The following IHH variants were observed in gnomAD, a reference collection of about 807,000 sequenced individuals.
The protein encoded by IHH is indian hedgehog protein.
A neutral mutation model predicts 29.4 loss-of-function variants in IHH; 9 were observed. That is an observed-to-expected ratio of 0.31 (90% CI 0.18 to 0.53). The LOEUF (loss-of-function observed/expected upper bound fraction) is 0.53, where lower values mean the gene tolerates loss of function less well. Ranked by LOEUF, IHH falls within the 20% of genes least tolerant of loss-of-function variation. The pLI, the probability that IHH is intolerant of heterozygous loss-of-function variation, is 0.95. For missense variants in IHH, 454 were observed against 578.1 expected (o/e 0.79, Z 2.20); for synonymous variants, 254 against 252.7 (o/e 1.01, Z -0.05).
rs906513398 is a variant in IHH at position 219,059,446 on chromosome 2, C to T, written c.315+707G>A. The stretch of plus-strand genomic sequence containing the variant: ...GGCATCTCAGCCCCTCTTTTCCACT[C>T]CTTCCCGTCCCCACCACCAAGCCCA... On this transcript the variant is annotated intron_variant, in intron 1 of 2. Transcript: ENST00000295731. This position sits in a 1 kb window ranked among gnomAD's most constrained non-coding sequence, Gnocchi z 4.7. Among the ~76,000 whole-genome samples, 2 of 152,198 alleles carry T rather than the reference C, an allele frequency of 1.3e-5. No individual in the cohort carries two copies. The highest frequency in any genetic ancestry group is 2.9e-5 in the Non-Finnish European group (2 of 68,036).
Position 219,059,854 on chromosome 2 carries a change from G to A in IHH, c.315+299C>T, listed in dbSNP as rs1258456465. On this transcript the variant is annotated intron_variant, in intron 1 of 2. Coordinates refer to ENST00000295731, the MANE Select transcript of IHH (RefSeq NM_002181.4). The surrounding 1 kb of genome is among the most constrained non-coding windows in gnomAD (Gnocchi z 4.7). The stretch of plus-strand genomic sequence containing the variant: ...GGCAGCCGGGTAGAGGTACCTCCGG[G>A]TGCAGCGTCTGGCTGAGCTGCCAGT... Among the ~76,000 whole-genome samples the A allele has an allele frequency of 6.6e-6, 1 of 152,216 alleles. No individual in the cohort carries two copies. The highest frequency in any genetic ancestry group is 2.4e-5 in the African/African-American group (1 of 41,452).
Position 219,057,415 on chromosome 2 carries a change from C to A in IHH, c.577+18G>T. ...CTGCGGCCCCGGCCCCGGGCCCAGCCCCCCGGCGGCGGCTCACCGGACTTG... is the reference window on the plus strand; with the variant it reads ...CTGCGGCCCCGGCCCCGGGCCCAGCACCCCGGCGGCGGCTCACCGGACTTG... On this transcript the variant is annotated intron_variant, in intron 2 of 2. Transcript: ENST00000295731. 1 of 1,555,330 alleles carries A rather than the reference C, an allele frequency of 6.4e-7. No individual in the cohort carries two copies. The highest frequency in any genetic ancestry group is 8.7e-7 in the Non-Finnish European group (1 of 1,149,724).
chr2:219,055,499 G>T lies in IHH; in HGVS notation c.944C>A (p.Ala315Asp). 1.2e-6 allele frequency: 2 copies of T among 1,609,286 alleles called. No homozygotes were observed. Among genetic ancestry groups the T allele is most frequent in the Non-Finnish European group, 1.7e-6 (2 of 1,177,294 alleles). Reference protein sequence around the residue: ...LVAGVPGLQPARVAAVSTHVA... With the variant: ...LVAGVPGLQPDRVAAVSTHVA... ...GTGTGTAGAGACAGCTGCCACGCGGGCAGGCTGCAGGCCTGGCACCCCAGC... is the reference window on the plus strand; with the variant it reads ...GTGTGTAGAGACAGCTGCCACGCGGTCAGGCTGCAGGCCTGGCACCCCAGC... The change falls in exon 3 of 3, where the codon GCC becomes GAC. Residue 315 changes from alanine (A) to aspartate (D), a missense_variant. Transcript: ENST00000295731.
chr2:219,056,629 T>G (rs1348640061), intron 2 of IHH, among the ~76,000 whole-genome samples: 1 of 152,028 alleles, frequency 6.6e-6, no homozygotes, highest in Non-Finnish European at 1.5e-5. Flanking sequence ...GTCAGGAATA[T>G]CAAAATGTGG....
At chr2:219,058,533 A>T (rs1948851556) in intron 1 of IHH, among the ~76,000 whole-genome samples, 1 of 152,000 alleles carries the variant, frequency 6.6e-6, no homozygotes. Context: ...TCCATAAACC[A>T]AGCTTCTGAT....
In IHH at chr2:219,055,512, C is replaced by T; in HGVS notation, c.931G>A (p.Gly311Ser). 1 of 1,610,660 alleles carries T rather than the reference C, an allele frequency of 6.2e-7. No homozygotes were observed. ...GCTGCCACGCGGGCAGGCTGCAGGC[C>T]TGGCACCCCAGCCACCAGCACGTAC... is the stretch of plus-strand genomic sequence containing the variant. The part of the protein sequence containing the change: ...GQYVLVAGVP[G>S]LQPARVAAVS... The change falls in exon 3 of 3, where the codon GGC becomes AGC. Residue 311 changes from glycine to serine, a missense_variant. Transcript: ENST00000295731.
rs1948874841 is a variant in IHH at position 219,060,757 on chromosome 2, C to CGGCGGCGGGGGGCGGCG, written c.-307_-291dup. ...CGGCCCGTTTGTTTTGGCAACGCGG[C>CGGCGGCGGGGGGCGGCG]GGCGGCGGGGGGCGGCGGGCGGCGG... On this transcript the variant is annotated 5_prime_UTR_variant, in exon 1 of 3. Coordinates refer to ENST00000295731, the MANE Select transcript of IHH (RefSeq NM_002181.4). This position sits in a 1 kb window ranked among gnomAD's most constrained non-coding sequence, Gnocchi z 8.8. Among the ~76,000 whole-genome samples, 1 of 146,078 alleles carries CGGCGGCGGGGGGCGGCG rather than the reference C, an allele frequency of 6.8e-6. No homozygotes were observed. Among genetic ancestry groups the CGGCGGCGGGGGGCGGCG allele is most frequent in the African/African-American group, 2.5e-5 (1 of 40,190 alleles).
Position 219,055,332 on chromosome 2 carries a change from C to A in IHH, c.1111G>T (p.Ala371Ser). The change falls in exon 3 of 3, where the codon GCA (alanine) becomes TCA (serine). Residue 371 changes from alanine to serine, a missense_variant. Around this residue, in one of 3 missense-constraint regions of IHH, gnomAD observed 271 missense variants for 315.9 expected, o/e 0.86. Transcript: ENST00000295731. ...TCCCCCGGAGTCCAGCTGCCCCATG[C>A]CAAGCTGTGAAAGAGTCTCAGGGGC... is the stretch of plus-strand genomic sequence containing the variant. The part of the protein sequence containing the change: ...FWPLRLFHSL[A>S]WGSWTPGEGV... The A allele has an allele frequency of 6.2e-7, 1 of 1,613,276 alleles. No homozygotes were observed. The highest frequency in any genetic ancestry group is 8.5e-7 in the Non-Finnish European group (1 of 1,180,034).
chr2:219,057,935 T>A lies in IHH; in HGVS notation c.316-241A>T, dbSNP rs991396175. Among the ~76,000 whole-genome samples the A allele has an allele frequency of 6.6e-5, 10 of 152,342 alleles. 1 individual carries two copies. The East Asian group carries it at 9.7e-4, about 15-fold the overall frequency. On this transcript the variant is annotated intron_variant, in intron 1 of 2. Coordinates refer to ENST00000295731, the MANE Select transcript of IHH (RefSeq NM_002181.4). ...CGGTATCACAAATCTGGAGGAGGCA[T>A]GGAGGCAAGCGCCCTGGCGGCGCCT...
At position 219,055,331 on chromosome 2, in the gene IHH, G is replaced by A. The variant is rs1429802102; in HGVS notation, c.1112C>T (p.Ala371Val). The change falls in exon 3 of 3, where the codon GCA (alanine) becomes GTA (valine). Residue 371 changes from alanine (A) to valine (V), a missense_variant. Around this residue, in one of 3 missense-constraint regions of IHH, gnomAD observed 271 missense variants for 315.9 expected, o/e 0.86. Transcript: ENST00000295731. ...CTCCCCCGGAGTCCAGCTGCCCCATGCCAAGCTGTGAAAGAGTCTCAGGGG... is the reference window on the plus strand; with the variant it reads ...CTCCCCCGGAGTCCAGCTGCCCCATACCAAGCTGTGAAAGAGTCTCAGGGG... Reference protein sequence around the residue: ...FWPLRLFHSLAWGSWTPGEGV... With the variant: ...FWPLRLFHSLVWGSWTPGEGV... The A allele has an allele frequency of 6.2e-7, 1 of 1,613,274 alleles. No homozygotes were observed.
rs121917857 is a variant in IHH, at chr2:219,057,441, A to G, written c.569T>C (p.Val190Ala). Residue 190 changes from valine (V) to alanine (A), a missense_variant, in exon 2 of 3, where the codon GTC (valine) becomes GCC (alanine). Physicochemically the swap from Val to Ala is moderately conservative, Grantham distance 64 (BLOSUM62 0). This residue lies in a region of IHH where 271 missense variants were observed against 315.9 expected (regional missense o/e 0.86). Coordinates refer to ENST00000295731, the MANE Select transcript of IHH (RefSeq NM_002181.4). ...YESKAHVHCS[V>A]KSEHSAAAKT... ...CCCCGGCGGCGGCTCACCGGACTTG[A>G]CGGAGCAATGCACGTGGGCCTTTGA... 6.4e-7 allele frequency: 1 copy of G among 1,573,774 alleles called. No homozygotes were observed. The highest frequency in any genetic ancestry group is 8.6e-7 in the Non-Finnish European group (1 of 1,160,258).
At chr2:219,056,815 A>C (rs1948836616) in intron 2 of IHH, among the ~76,000 whole-genome samples, 2 of 152,276 alleles carry the variant, frequency 1.3e-5, no homozygotes, top group South Asian at 4.1e-4. Flanking sequence ...GGGAGGGGTG[A>C]GGCCCCAGTG....
In IHH at chr2:219,059,343, C is replaced by A; in HGVS notation, c.315+810G>T. Reference sequence around the variant, plus strand: ...GACCTGGCTGCTGGGAAGGAATTTGCGCCTCTAAGCTTGGGTGGAGCGCGG... The same window carrying A: ...GACCTGGCTGCTGGGAAGGAATTTGAGCCTCTAAGCTTGGGTGGAGCGCGG... On this transcript the variant is annotated intron_variant, in intron 1 of 2. Coordinates refer to ENST00000295731, the MANE Select transcript of IHH (RefSeq NM_002181.4). This position sits in a 1 kb window ranked among gnomAD's most constrained non-coding sequence, Gnocchi z 4.7. Among the ~76,000 whole-genome samples the A allele has an allele frequency of 1.3e-5, 2 of 152,200 alleles. No homozygotes were observed. Among genetic ancestry groups the A allele is most frequent in the Non-Finnish European group, 2.9e-5 (2 of 68,034 alleles).
Position 219,055,883 on chromosome 2 carries a change from A to G in IHH, c.578-18T>C. ...CGAGTGCTCTGTGGGAGAAAGGGAC[A>G]TGAAGGTGTTACTGCTGTGCAGCTC... On this transcript the variant is annotated intron_variant, in intron 2 of 2. Coordinates refer to ENST00000295731, the MANE Select transcript of IHH (RefSeq NM_002181.4). 2 of 1,598,910 alleles carry G rather than the reference A, an allele frequency of 1.3e-6. No homozygotes were observed. The highest frequency in any genetic ancestry group is 1.7e-6 in the Non-Finnish European group (2 of 1,178,426).
In IHH at chr2:219,057,566, GC is replaced by G. The variant is rs1948842206; in HGVS notation, c.443del (p.Gly148AlafsTer76). On this transcript the variant is annotated frameshift_variant, in exon 2 of 3. Transcript: ENST00000295731. LOFTEE classifies it high-confidence loss of function. Reference sequence around the variant, plus strand: ...CTGATGTGGTGATGTCCACCGCGCGGCCCTCATAATGCAGGGACTCCTCTGA... The same window carrying G: ...CTGATGTGGTGATGTCCACCGCGCGGCCTCATAATGCAGGGACTCCTCTGA... ...HHSEESLHYE[G>X]RAVDITTSDR... 1 of 1,613,964 alleles carries G rather than the reference GC, an allele frequency of 6.2e-7. No individual in the cohort carries two copies. Among genetic ancestry groups the G allele is most frequent in the African/African-American group, 1.3e-5 (1 of 74,930 alleles).
Position 219,060,225 on chromosome 2 carries a change from G to A in IHH, c.243C>T (p.Leu81=). The A allele has an allele frequency of 6.2e-7, 1 of 1,613,630 alleles. No individual in the cohort carries two copies. Among genetic ancestry groups the A allele is most frequent in the Admixed American group, 1.7e-5 (1 of 60,028 alleles). The change falls in exon 1 of 3, where the codon CTC becomes CTT. Residue 81 remains leucine, a synonymous_variant. Transcript: ENST00000295731. The surrounding 1 kb of genome is among the most constrained non-coding windows in gnomAD (Gnocchi z 8.8). The stretch of plus-strand genomic sequence containing the variant: ...TGATGTCTGGATTGTAATTGGGGGT[G>A]AGCTCCTTGAAGCGCTCGGAGCTGC... ...IARSSERFKE[L]TPNYNPDIIF... is the part of the protein sequence containing the mutation.
At chr2:219,057,388 C>T (rs756272052) in intron 2 of IHH, 45 bp downstream of exon 2, 1 of 1,548,982 alleles carries the variant, frequency 6.5e-7, no homozygotes, top group Non-Finnish European at 8.7e-7. Flanking sequence ...CCTGCCCATG[C>T]CCTGCGGCCC....
In IHH at chr2:219,055,046, T is replaced by C. The variant is rs1574685592; in HGVS notation, c.*161A>G. On this transcript the variant is annotated 3_prime_UTR_variant, in exon 3 of 3. Coordinates refer to ENST00000295731, the MANE Select transcript of IHH (RefSeq NM_002181.4). The stretch of plus-strand genomic sequence containing the variant: ...ACACCACGACGGGGGTGGGGGACGC[T>C]GGTGTTGCCCAGTCAAGTCTCAATG... 4.0e-6 allele frequency: 3 copies of C among 745,190 alleles called. No homozygotes were observed. In the East Asian group the frequency reaches 8.1e-5, roughly 20 times the overall value. 46.2% of individuals were successfully genotyped at this position (745,190 alleles called of 1,614,324 possible).
chr2:219,057,885 GC>G (rs1365238460), intron 1 of IHH, among the ~76,000 whole-genome samples, 191 bp from the exon 2 acceptor site: 1 of 152,250 alleles, frequency 6.6e-6, no homozygotes, highest in East Asian at 1.9e-4. Flanking sequence ...GCATACAGCC[GC>G]CCCCGGGGAT....
Sources: allele counts gnomAD v4.1 joint callset (sites outside exome capture counted in the v4.1 genomes callset), GRCh38; gene constraint gnomAD v4.1.1; regional missense constraint gnomAD v4.1.1; non-coding constraint Gnocchi (gnomAD v3.1); transcripts MANE v1.5; gene names NCBI Gene and HGNC (gene_info 2026-07-23, HGNC 2026-07-21).